Variants in STK32B observed in about 807,000 individuals in gnomAD.
STK32B encodes the protein serine/threonine-protein kinase 32B.
Under a neutral mutation model 52.6 loss-of-function variants are expected in STK32B, and 43 were observed. The ratio of observed to expected loss-of-function variants is 0.82; its 90% CI spans 0.64 to 1.05. The LOEUF (loss-of-function observed/expected upper bound fraction) is 1.05. Among genes scored for constraint, STK32B ranks in the 50% least tolerant of loss-of-function variants. The probability of loss-of-function intolerance (pLI) is 0.00; values close to 1 mark genes in which losing one functional copy is unlikely to be tolerated. For synonymous variants in STK32B, 238 were observed against 204.3 expected, an observed-to-expected ratio of 1.17 and a Z score of -1.41; for missense variants, 621 against 534.6, an observed-to-expected ratio of 1.16 and a Z score of -1.59.
intron 2 of STK32B, among the ~76,000 whole-genome samples, chr4:5,154,979 C>T (rs1177055559): frequency 2.6e-5 from 4 of 152,212 alleles, no homozygotes; most frequent in African/African-American, 7.2e-5. Flanking sequence ...CAAGGTCATG[C>T]AGTCTGGCCT....
At chr4:5,181,363 CACACAG>C (rs747599291) in intron 3 of STK32B, among the ~76,000 whole-genome samples, 106 of 100,662 alleles carry the variant, frequency 1.1e-3, no homozygotes, top group South Asian at 6.8e-3. Flanking sequence ...CACACACACA[CACACAG>C]AGATCTCATT....
chr4:5,047,816 C>G (rs1022164917), upstream of STK32B, among the ~76,000 whole-genome samples: 5 of 152,190 alleles, frequency 3.3e-5, no homozygotes, highest in Admixed American at 1.3e-4. Context: ...GAAGTCCTAA[C>G]CCCTGGAACT....
rs190645386 is a variant in STK32B, at chr4:5,258,773, T to C, written c.261-72447T>C. ...ACCCCAATTGTCCCTTTGCCCCTGT[T>C]AGTCAATTCCCAGTGCAGCTGCAGG... is the stretch of plus-strand genomic sequence containing the variant. On this transcript the variant is annotated intron_variant, in intron 3 of 11. Coordinates refer to ENST00000282908, the MANE Select transcript of STK32B (RefSeq NM_018401.3). Among the ~76,000 whole-genome samples the C allele has an allele frequency of 2.7e-3, 417 of 152,312 alleles. 1 individual carries two copies. The highest frequency in any genetic ancestry group is 3.2e-3 in the Non-Finnish European group (218 of 68,016).
chr4:5,430,904 G>A (rs549912353), intron 6 of STK32B, among the ~76,000 whole-genome samples: 2 of 152,202 alleles, frequency 1.3e-5, no homozygotes, highest in African/African-American at 4.8e-5. Context: ...GTCTCTCTCT[G>A]TGCTCCTGTT....
chr4:5,438,166 A>G (rs2369709), intron 6 of STK32B: 12,501 of 976,876 alleles, frequency 0.013, 117 homozygotes, highest in Admixed American at 0.051. Flanking sequence ...CTGGCCCAGC[A>G]TGAAGGGACT....
chr4:5,357,299 T>TA, intron 4 of STK32B, among the ~76,000 whole-genome samples: 1 of 123,186 alleles, frequency 8.1e-6, no homozygotes, highest in South Asian at 2.8e-4. Context: ...AATGGATAAA[T>TA]ACACGGTCCC....
chr4:5,302,885 A>G (rs568711773), intron 3 of STK32B, among the ~76,000 whole-genome samples: 1 of 152,208 alleles, frequency 6.6e-6, no homozygotes, highest in South Asian at 2.1e-4. Context: ...TACTTCACTT[A>G]GAATAATGGT....
chr4:5,123,495 G>T (rs1284904468), intron 1 of STK32B, among the ~76,000 whole-genome samples: 3 of 152,080 alleles, frequency 2.0e-5, no homozygotes, highest in African/African-American at 7.2e-5. Context: ...GTCACAGCCT[G>T]GGGGGCTTCA....
intron 11 of STK32B, among the ~76,000 whole-genome samples, chr4:5,495,650 C>G (rs2108733551): frequency 1.3e-5 from 2 of 152,286 alleles, no homozygotes; most frequent in South Asian, 4.1e-4. Context: ...AGGAGAGGCA[C>G]TCTGCTTTTT....
intron 6 of STK32B, among the ~76,000 whole-genome samples, chr4:5,421,731 C>T (rs1291684132): frequency 6.6e-6 from 1 of 152,216 alleles, no homozygotes; most frequent in East Asian, 1.9e-4. Flanking sequence ...TCCTCCATGG[C>T]CCTGCTTTCA....
At position 5,134,557 on chromosome 4, in the gene STK32B, T is replaced by A. The variant is rs149819454; in HGVS notation, c.53-5348T>A. Among the ~76,000 whole-genome samples, 1,286 of 152,372 alleles carry A rather than the reference T, an allele frequency of 8.4e-3. 8 individuals are homozygous for A. Among genetic ancestry groups the A allele is most frequent in the Non-Finnish European group, 0.014 (946 of 68,038 alleles). ...ATAAATTACCCAGTCTGTGGCATTCTGTGATAGCAACACAAAACAGACTAA... is the reference window on the plus strand; with the variant it reads ...ATAAATTACCCAGTCTGTGGCATTCAGTGATAGCAACACAAAACAGACTAA... On this transcript the variant is annotated intron_variant, in intron 1 of 11. Transcript: ENST00000282908.
At chr4:5,457,657 C>T (rs1716668082) in intron 8 of STK32B, among the ~76,000 whole-genome samples, 1 of 151,296 alleles carries the variant, frequency 6.6e-6, no homozygotes, top group African/African-American at 2.4e-5. Flanking sequence ...CACATGAGGT[C>T]AGGAGTTCGA....
the STK32B span, among the ~76,000 whole-genome samples, chr4:5,019,623 A>G: frequency 6.6e-6 from 1 of 152,230 alleles, no homozygotes. Context: ...CCTCTCAGAC[A>G]CGAAAGCCCC....
intron 4 of STK32B, among the ~76,000 whole-genome samples, chr4:5,359,000 A>G (rs1734365946): frequency 6.6e-6 from 1 of 152,196 alleles, no homozygotes; most frequent in African/African-American, 2.4e-5. Flanking sequence ...AGGAGGAATT[A>G]ACACAGGAAA....
chr4:5,063,759 T>G (rs1257229955), intron 1 of STK32B, among the ~76,000 whole-genome samples: 3 of 152,222 alleles, frequency 2.0e-5, no homozygotes, highest in Non-Finnish European at 4.4e-5. Context: ...ACAATTAAAG[T>G]GTTCAAAAGT....
Position 5,472,333 on chromosome 4 carries a change from C to T in STK32B, c.1106+4263C>T, listed in dbSNP as rs1217276600. Among the ~76,000 whole-genome samples, 14 of 152,218 alleles carry T rather than the reference C, an allele frequency of 9.2e-5. No individual in the cohort carries two copies. In the East Asian group the frequency reaches 1.2e-3, roughly 13 times the overall value. ...GGAGGAGGTGCCCTGGGGCTAACCT[C>T]TCTGGACCTTTGTTTCGAAACAGAG... On this transcript the variant is annotated intron_variant, in intron 11 of 11. Coordinates refer to ENST00000282908, the MANE Select transcript of STK32B (RefSeq NM_018401.3).
chr4:5,259,565 C>A (rs1271190711), intron 3 of STK32B, among the ~76,000 whole-genome samples: 3 of 152,190 alleles, frequency 2.0e-5, no homozygotes, highest in African/African-American at 7.2e-5. Context: ...CACACAGTTA[C>A]ATAAAAATTT....
chr4:5,480,894 C>T (rs1160928058), intron 11 of STK32B, among the ~76,000 whole-genome samples: 1 of 152,038 alleles, frequency 6.6e-6, no homozygotes, highest in African/African-American at 2.4e-5. Flanking sequence ...CATCCATGTC[C>T]CTACAAGGGA....
intron 4 of STK32B, among the ~76,000 whole-genome samples, chr4:5,360,189 C>G (rs1366298128): frequency 2.6e-5 from 4 of 152,166 alleles, no homozygotes; most frequent in African/African-American, 4.8e-5. Flanking sequence ...AAGACAGACT[C>G]AAAGAACACT....
Sources: allele counts gnomAD v4.1 joint callset (sites outside exome capture counted in the v4.1 genomes callset), GRCh38; gene constraint gnomAD v4.1.1; transcripts MANE v1.5; gene names NCBI Gene and HGNC (gene_info 2026-07-23, HGNC 2026-07-21).